PBX1: variants seen among roughly 807,000 people sequenced by gnomAD.
The protein encoded by PBX1 is PBX homeobox 1.
Under a neutral mutation model 53.4 loss-of-function variants are expected in PBX1, and 6 were observed. That is an observed-to-expected ratio of 0.11 (90% CI 0.06 to 0.22). The LOEUF is 0.22. Among genes scored for constraint, PBX1 ranks in the 10% least tolerant of loss-of-function variants. The probability of loss-of-function intolerance (pLI) is 1.00; values close to 1 mark genes in which losing one functional copy is unlikely to be tolerated. For missense variants in PBX1, 251 were observed against 551.4 expected, an observed-to-expected ratio of 0.46 and a Z score of 5.46; for synonymous variants, 204 against 212.3, an observed-to-expected ratio of 0.96 and a Z score of 0.34.
Position 164,815,926 on chromosome 1 carries a change from A to T in PBX1, c.997+3777A>T, listed in dbSNP as rs145261227. The T allele has an allele frequency of 5.3e-4, 80 of 152,352 alleles. 1 individual carries two copies. Among genetic ancestry groups the T allele is most frequent in the African/African-American group, 1.9e-3 (77 of 41,578 alleles). 9.4% of individuals were successfully genotyped at this position (152,352 alleles called of 1,614,324 possible). On this transcript the variant is annotated intron_variant, in intron 6 of 8. Coordinates refer to ENST00000420696, the MANE Select transcript of PBX1 (RefSeq NM_002585.4). ...GGATTGATGAAAGGTTATTATATTA[A>T]AACTCAGAGCCTTCATGCCCTATGA...
At chr1:164,661,498 C>A (rs1660492166) in intron 2 of PBX1, among the ~76,000 whole-genome samples, 1 of 147,490 alleles carries the variant, frequency 6.8e-6, no homozygotes, top group Non-Finnish European at 1.5e-5. Flanking sequence ...ATGATCTTGG[C>A]TCACTGCAAC....
downstream of PBX1, chr1:164,854,144 G>A (rs149593569): frequency 4.3e-3 from 661 of 151,966 alleles, 8 homozygotes; most frequent in Non-Finnish European, 6.7e-3. Context: ...GGCCTCAAGT[G>A]ATCCTCCTGC....
intron 2 of PBX1, among the ~76,000 whole-genome samples, chr1:164,645,182 G>A (rs1557912289): frequency 6.6e-6 from 1 of 152,100 alleles, no homozygotes; most frequent in East Asian, 1.9e-4. Flanking sequence ...GGGCTCCCTG[G>A]GCTTCTCACC....
intron 2 of PBX1, among the ~76,000 whole-genome samples, chr1:164,754,467 C>A (rs1461055943): frequency 6.6e-6 from 1 of 152,196 alleles, no homozygotes; most frequent in African/African-American, 2.4e-5. Context: ...ATTGAATACT[C>A]TCTAATTTAA....
chr1:164,613,370 C>T (rs1185385716), intron 2 of PBX1, among the ~76,000 whole-genome samples: 1 of 152,196 alleles, frequency 6.6e-6, no homozygotes, highest in Non-Finnish European at 1.5e-5. Flanking sequence ...GCAGGTCACA[C>T]CCCTTGCTGA....
chr1:164,685,065 A>G (rs1662021214), intron 2 of PBX1: 1 of 152,196 alleles, frequency 6.6e-6, no homozygotes, highest in South Asian at 2.1e-4. Context: ...AGTCTCAGAG[A>G]GGTTAATGAC....
chr1:164,561,672 T>C (rs1021984064), intron 1 of PBX1, among the ~76,000 whole-genome samples: 1 of 152,262 alleles, frequency 6.6e-6, no homozygotes, highest in South Asian at 2.1e-4. Flanking sequence ...TGATGTTCAG[T>C]CTCTCTTCTT....
chr1:164,599,855 C>T lies in PBX1; in HGVS notation c.265+36544C>T, dbSNP rs182419677. ...TGGCTTTGTACAAACCCCCTCTCCCCGCTTTTTTTTTCTTCTTTTCTTAAA... is the reference window on the plus strand; with the variant it reads ...TGGCTTTGTACAAACCCCCTCTCCCTGCTTTTTTTTTCTTCTTTTCTTAAA... On this transcript the variant is annotated intron_variant, in intron 2 of 8. Coordinates refer to ENST00000420696, the MANE Select transcript of PBX1 (RefSeq NM_002585.4). Among the ~76,000 whole-genome samples the T allele has an allele frequency of 3.1e-3, 477 of 152,242 alleles. 1 individual carries two copies. The highest frequency in any genetic ancestry group is 5.0e-3 in the Non-Finnish European group (340 of 68,020).
Position 164,846,828 on chromosome 1 carries a change from T to A in PBX1, c.*152T>A. The A allele has an allele frequency of 6.8e-7, 1 of 1,481,170 alleles. No individual in the cohort carries two copies. The highest frequency in any genetic ancestry group is 8.9e-7 in the Non-Finnish European group (1 of 1,117,986). The allele number at this position is 1,481,170 out of a possible 1,614,324, so 91.8% of individuals were successfully genotyped here. ...TCTCCTTCTCTTCTCTTCTTTGGGA[T>A]GCTATTTCAGCCAATCTGGACACTT... On this transcript the variant is annotated 3_prime_UTR_variant, in exon 9 of 9. Transcript: ENST00000420696.
chr1:164,797,959 T>C (rs1375295770), intron 3 of PBX1, among the ~76,000 whole-genome samples: 2 of 152,234 alleles, frequency 1.3e-5, no homozygotes, highest in African/African-American at 4.8e-5. Context: ...TGTGTTCATG[T>C]GAGGGATTTG....
intron 2 of PBX1, among the ~76,000 whole-genome samples, chr1:164,762,566 G>A (rs1666865719): frequency 6.6e-6 from 1 of 152,138 alleles, no homozygotes; most frequent in Non-Finnish European, 1.5e-5. Context: ...TAGTTATCTG[G>A]GTCTGCAGTG....
chr1:164,671,334 A>G (rs1343812456), intron 2 of PBX1, among the ~76,000 whole-genome samples: 2 of 152,158 alleles, frequency 1.3e-5, no homozygotes, highest in Non-Finnish European at 2.9e-5. Context: ...AGATGTTTCC[A>G]GTGTTGGTGG....
At chr1:164,856,341 G>C (rs1419268739), downstream of PBX1, among the ~76,000 whole-genome samples, 2 of 152,238 alleles carry the variant, frequency 1.3e-5, no homozygotes, top group Middle Eastern at 3.4e-3. Flanking sequence ...TTTCAGCAGA[G>C]CCTGCAAGGT....
downstream of PBX1, among the ~76,000 whole-genome samples, chr1:164,854,938 T>G (rs1340539393): frequency 2.1e-5 from 3 of 142,924 alleles, no homozygotes; most frequent in Non-Finnish European, 3.1e-5. Context: ...CTCCTCTCTC[T>G]CTCTCTCTTT....
At chr1:164,780,791 G>A (rs1667895784) in intron 2 of PBX1, among the ~76,000 whole-genome samples, 1 of 152,144 alleles carries the variant, frequency 6.6e-6, no homozygotes, top group South Asian at 2.1e-4. Context: ...TTGCAATCTG[G>A]AGCTCATAAT....
intron 2 of PBX1, among the ~76,000 whole-genome samples, chr1:164,696,839 C>T (rs900158045): frequency 1.3e-5 from 2 of 152,154 alleles, no homozygotes; most frequent in South Asian, 2.1e-4. Flanking sequence ...AGGCTGAGCT[C>T]ACTAGTTCCA....
At chr1:164,723,672 T>C (rs2066087) in intron 2 of PBX1, among the ~76,000 whole-genome samples, 67,089 of 151,994 alleles carry the variant, frequency 0.44, 15,934 homozygotes, top group South Asian at 0.73. Flanking sequence ...GCACTGCCTG[T>C]GACTGAGGAA....
intron 3 of PBX1, among the ~76,000 whole-genome samples, chr1:164,793,076 C>G (rs1322336358): frequency 6.6e-6 from 1 of 152,160 alleles, no homozygotes; most frequent in African/African-American, 2.4e-5. Flanking sequence ...GGCTCTCATC[C>G]GGGCGCTATA....
intron 2 of PBX1, among the ~76,000 whole-genome samples, chr1:164,789,524 G>T (rs1305294000): frequency 6.6e-6 from 1 of 152,224 alleles, no homozygotes; most frequent in East Asian, 1.9e-4. Context: ...CTGATGGAAT[G>T]AATGAGGCCG....
Sources: gnomAD v4.1 joint callset for allele counts (sites outside exome capture counted in the v4.1 genomes callset) on GRCh38, gnomAD v4.1.1 for gene constraint, MANE v1.5 for transcripts, NCBI Gene and HGNC (gene_info 2026-07-23, HGNC 2026-07-21) for gene names.